Variants in TLE4 observed in about 807,000 individuals in gnomAD.
TLE4 encodes the protein transducin-like enhancer protein 4.
In TLE4, 8 loss-of-function variants were observed where a neutral mutation model predicts 92.8. The observed-to-expected ratio is 0.09, with a 90% confidence interval of 0.05 to 0.16. TLE4 has a LOEUF of 0.16. Among genes scored for constraint, TLE4 ranks in the 10% least tolerant of loss-of-function variants. TLE4 has a pLI of 1.00. For synonymous variants in TLE4, 371 were observed against 374.1 expected (o/e 0.99, Z 0.10); for missense variants, 675 against 997.6 (o/e 0.68, Z 4.36).
At chr9:79,605,593 C>A (rs955601455) in intron 4 of TLE4, among the ~76,000 whole-genome samples, 2 of 151,872 alleles carry the variant, frequency 1.3e-5, no homozygotes, top group Non-Finnish European at 2.9e-5. Context: ...TTTCTTTAAC[C>A]ATTGTAAAAA....
chr9:79,714,380 T>C (rs11138340), intron 14 of TLE4, among the ~76,000 whole-genome samples: 95,520 of 152,052 alleles, frequency 0.63, 31,691 homozygotes, highest in East Asian at 0.79. Flanking sequence ...TTTCAGACTA[T>C]GCTTGGCCAG....
At position 79,718,743 on chromosome 9, in the gene TLE4, C is replaced by T. The variant is rs199792851; in HGVS notation, c.1362C>T (p.Ser454=). The T allele has an allele frequency of 2.2e-5, 35 of 1,614,000 alleles. No individual in the cohort carries two copies. In the East Asian group the frequency reaches 2.2e-4, roughly 10 times the overall value. The change falls in exon 15 of 20, where the codon AGC becomes AGT. Residue 454 remains serine (S), a synonymous_variant. Transcript: ENST00000376552. ...GGKPAYSFHV[S]ADGQMQPVPF... The stretch of plus-strand genomic sequence containing the variant: ...TTAGAGCATACTCCTTCCATGTTAG[C>T]GCAGATGGTCAGATGCAGCCTGTCC...
At chr9:79,611,036 C>G (rs1224781531) in intron 4 of TLE4, among the ~76,000 whole-genome samples, 1 of 151,938 alleles carries the variant, frequency 6.6e-6, no homozygotes, top group East Asian at 1.9e-4. Context: ...TTATTCTCTC[C>G]CCCTCCACCT....
At chr9:79,708,480 A>G (rs1270388476) in intron 12 of TLE4, 113 bp from the exon 13 acceptor site, 1 of 1,181,344 alleles carries the variant, frequency 8.5e-7, no homozygotes, top group Non-Finnish European at 1.2e-6. Flanking sequence ...ACTTTTGAGA[A>G]TATTAAAATA....
chr9:79,637,933 T>G (rs563428762), intron 6 of TLE4, among the ~76,000 whole-genome samples: 1 of 152,230 alleles, frequency 6.6e-6, no homozygotes, highest in Non-Finnish European at 1.5e-5. Flanking sequence ...CAAACAAGTT[T>G]GAATCCATGC....
At chr9:79,655,904 C>A (rs2059713285) in intron 8 of TLE4, among the ~76,000 whole-genome samples, 1 of 152,130 alleles carries the variant, frequency 6.6e-6, no homozygotes, top group South Asian at 2.1e-4. Context: ...ACTTTTGTGT[C>A]AATTACATTT....
chr9:79,645,361 G>A (rs1009059999), intron 6 of TLE4, among the ~76,000 whole-genome samples: 18 of 152,188 alleles, frequency 1.2e-4, no homozygotes, highest in African/African-American at 2.4e-4. Flanking sequence ...TGGAGTGGGG[G>A]TGAACAAGGA....
intron 8 of TLE4, among the ~76,000 whole-genome samples, chr9:79,695,924 A>G (rs1464257320): frequency 6.6e-6 from 1 of 152,212 alleles, no homozygotes; most frequent in African/African-American, 2.4e-5. Context: ...AGATTGGAGA[A>G]GGTGGGCAGG....
At chr9:79,648,183 A>T (rs1024494718) in intron 6 of TLE4, among the ~76,000 whole-genome samples, 1 of 152,128 alleles carries the variant, frequency 6.6e-6, no homozygotes, top group African/African-American at 2.4e-5. Context: ...TGCTTTTGGA[A>T]CCAGAGAGTA....
At chr9:79,660,771 G>A (rs2060417092) in intron 8 of TLE4, among the ~76,000 whole-genome samples, 1 of 152,210 alleles carries the variant, frequency 6.6e-6, no homozygotes, top group Non-Finnish European at 1.5e-5. Flanking sequence ...TTGTCAAACA[G>A]ATGAATAAAT....
At chr9:79,639,703 T>C (rs1276127233) in intron 6 of TLE4, among the ~76,000 whole-genome samples, 1 of 152,172 alleles carries the variant, frequency 6.6e-6, no homozygotes, top group Non-Finnish European at 1.5e-5. Context: ...TTGCCTACAA[T>C]ATTCAGTGCA....
At chr9:79,612,484 G>A (rs530115562) in intron 4 of TLE4, among the ~76,000 whole-genome samples, 172 bp from the exon 5 acceptor site, 1 of 152,112 alleles carries the variant, frequency 6.6e-6, no homozygotes, top group East Asian at 1.9e-4. Context: ...ATGTGGCACT[G>A]TTGTCACTGC....
chr9:79,645,279 T>C (rs2057916791), intron 6 of TLE4, among the ~76,000 whole-genome samples: 1 of 152,196 alleles, frequency 6.6e-6, no homozygotes, highest in Non-Finnish European at 1.5e-5. Context: ...TCATTGCTAC[T>C]GAGATGTTGT....
intron 4 of TLE4, chr9:79,580,137 C>T (rs1289992076): frequency 1.3e-5 from 2 of 152,088 alleles, no homozygotes; most frequent in African/African-American, 4.8e-5. Flanking sequence ...GCAAAACTGC[C>T]GAAGCATGGT....
intron 4 of TLE4, among the ~76,000 whole-genome samples, chr9:79,581,978 C>T (rs2039794188): frequency 6.6e-6 from 1 of 152,130 alleles, no homozygotes; most frequent in Non-Finnish European, 1.5e-5. Context: ...GCTTGCTTAT[C>T]AAGATGGAAT....
chr9:79,603,178 T>C (rs1013445475), intron 4 of TLE4, among the ~76,000 whole-genome samples: 2 of 152,158 alleles, frequency 1.3e-5, no homozygotes, highest in African/African-American at 4.8e-5. Context: ...ATTTGAATAT[T>C]ACATCAACTT....
At position 79,572,707 on chromosome 9, in the gene TLE4, C is replaced by T; in HGVS notation, c.-84C>T. 1 of 1,479,874 alleles carries T rather than the reference C, an allele frequency of 6.8e-7. No homozygotes were observed. Among genetic ancestry groups the T allele is most frequent in the Non-Finnish European group, 9.2e-7 (1 of 1,082,866 alleles). The allele number at this position is 1,479,874 out of a possible 1,614,324, so 91.7% of individuals were successfully genotyped here. On this transcript the variant is annotated 5_prime_UTR_variant, in exon 1 of 20. Transcript: ENST00000376552. ...CCTCAGACCGAGCCGGCCGCCTCCG[C>T]TGCCGCGGCCGCCTCCTCTTCGGGG...
chr9:79,630,587 T>A (rs1272959058), intron 6 of TLE4, among the ~76,000 whole-genome samples: 1 of 152,218 alleles, frequency 6.6e-6, no homozygotes, highest in Non-Finnish European at 1.5e-5. Context: ...GATTTTGTCA[T>A]GTGTCCTGCT....
intron 6 of TLE4, among the ~76,000 whole-genome samples, chr9:79,642,231 A>T (rs976991400): frequency 1.4e-5 from 2 of 146,748 alleles, no homozygotes; most frequent in East Asian, 2.0e-4. Context: ...TGCTTTACTT[A>T]AAAAAAAAAG....
Sources: allele counts gnomAD v4.1 joint callset (sites outside exome capture counted in the v4.1 genomes callset), GRCh38; gene constraint gnomAD v4.1.1; transcripts MANE v1.5; gene names NCBI Gene and HGNC (gene_info 2026-07-23, HGNC 2026-07-21).